DYNC2I1: variants seen among roughly 807,000 people sequenced by gnomAD.
DYNC2I1 encodes the protein cytoplasmic dynein 2 intermediate chain 1.
A neutral mutation model predicts 133.4 loss-of-function variants in DYNC2I1; 89 were observed. The observed-to-expected ratio is 0.67, with a 90% CI of 0.56 to 0.80. DYNC2I1 has a LOEUF of 0.80. Among genes scored for constraint, DYNC2I1 ranks in the 30% least tolerant of loss-of-function variants. The probability of loss-of-function intolerance (pLI) is 0.00; values close to 1 mark genes in which losing one functional copy is unlikely to be tolerated. For synonymous variants in DYNC2I1, 504 were observed against 484.3 expected (o/e 1.04, Z -0.54); for missense variants, 1,291 against 1,314.5 (o/e 0.98, Z 0.28).
At chr7:158,880,023 C>T (rs747512304) in intron 5 of DYNC2I1, 34 bp downstream of exon 5, 86 of 1,544,672 alleles carry the variant, frequency 5.6e-5, no homozygotes, top group Middle Eastern at 1.8e-4. Flanking sequence ...CCTTAGCAGC[C>T]GCCCCGAGGC....
At chr7:158,842,415 T>C in the DYNC2I1 span, among the ~76,000 whole-genome samples, 2 of 152,216 alleles carry the variant, frequency 1.3e-5, no homozygotes, top group African/African-American at 4.8e-5. Flanking sequence ...TCAGCCGACA[T>C]AGTGTGACCT....
At chr7:158,949,669 G>A (rs754990958), downstream of DYNC2I1, among the ~76,000 whole-genome samples, 7 of 152,248 alleles carry the variant, frequency 4.6e-5, no homozygotes, top group Non-Finnish European at 8.8e-5. Context: ...GGAAAGGAGC[G>A]GAAAGCTAGA....
chr7:158,886,988 T>C (rs1314609814), intron 6 of DYNC2I1, 33 bp from the exon 7 acceptor site: 3 of 1,597,362 alleles, frequency 1.9e-6, no homozygotes, highest in Non-Finnish European at 2.6e-6. Flanking sequence ...TCATTTAAAG[T>C]AAGTTTTGAT....
chr7:158,851,552 A>G, the DYNC2I1 span, among the ~76,000 whole-genome samples: 1 of 152,312 alleles, frequency 6.6e-6, no homozygotes, highest in African/African-American at 2.4e-5. Flanking sequence ...TTTTTAGGTA[A>G]AGTTCTAGCA....
the DYNC2I1 span, among the ~76,000 whole-genome samples, chr7:158,851,423 C>G: frequency 6.6e-6 from 1 of 151,604 alleles, no homozygotes; most frequent in South Asian, 2.1e-4. Flanking sequence ...GTAATCCCAG[C>G]AAGAAGGAGA....
In DYNC2I1 at chr7:158,898,988, T is replaced by TG. The variant is rs2129483246; in HGVS notation, c.1060-2750dup. 2.6e-5 allele frequency among the ~76,000 whole-genome samples: 4 copies of TG among 152,276 alleles called. No homozygotes were observed. In the East Asian group the frequency reaches 7.7e-4, roughly 29 times the overall value. On this transcript the variant is annotated intron_variant, in intron 8 of 24. Transcript: ENST00000407559. Reference sequence around the variant, plus strand: ...TATCCTTGCTGTCATTCATTTTACTTGTGTATAAGCAGACATAAGCATGTT... The same window carrying TG: ...TATCCTTGCTGTCATTCATTTTACTTGGTGTATAAGCAGACATAAGCATGTT...
At chr7:158,949,700 C>CA (rs1851995514), downstream of DYNC2I1, among the ~76,000 whole-genome samples, 1 of 151,852 alleles carries the variant, frequency 6.6e-6, no homozygotes, top group Non-Finnish European at 1.5e-5. Flanking sequence ...GGAGGAGCAT[C>CA]AAAGGCCGGG....
upstream of DYNC2I1, among the ~76,000 whole-genome samples, chr7:158,855,860 T>A (rs910459451): frequency 2.0e-5 from 3 of 152,138 alleles, no homozygotes; most frequent in African/African-American, 7.2e-5. Flanking sequence ...CCTACCTTAC[T>A]GCTTGTTTTT....
chr7:158,884,541 G>A (rs755599847), intron 5 of DYNC2I1, 23 bp from the exon 6 acceptor site: 10 of 1,606,022 alleles, frequency 6.2e-6, no homozygotes, highest in African/African-American at 5.4e-5. Context: ...AAATGGTTAT[G>A]GGATTATATT....
intron 16 of DYNC2I1, among the ~76,000 whole-genome samples, chr7:158,923,340 G>C (rs1849277494): frequency 6.6e-6 from 1 of 152,152 alleles, no homozygotes; most frequent in Admixed American, 6.5e-5. Flanking sequence ...CCTTGCGTTT[G>C]TGATCATAAC....
intron 1 of DYNC2I1, among the ~76,000 whole-genome samples, chr7:158,862,208 TTA>T (rs1440281721): frequency 6.6e-6 from 1 of 152,122 alleles, no homozygotes; most frequent in Non-Finnish European, 1.5e-5. Context: ...GCAAAATTAA[TTA>T]TAGAGACTAT....
At chr7:158,849,307 T>C in the DYNC2I1 span, among the ~76,000 whole-genome samples, 1 of 152,214 alleles carries the variant, frequency 6.6e-6, no homozygotes, top group East Asian at 1.9e-4. Context: ...TGAAAATAGA[T>C]ATTGTATCTG....
intron 1 of DYNC2I1, among the ~76,000 whole-genome samples, chr7:158,864,310 A>G (rs1842208509): frequency 6.6e-6 from 1 of 152,100 alleles, no homozygotes; most frequent in East Asian, 1.9e-4. Flanking sequence ...CACTGGGTCC[A>G]TGTAGATGAA....
At chr7:158,847,719 C>CA in the DYNC2I1 span, among the ~76,000 whole-genome samples, 2 of 152,310 alleles carry the variant, frequency 1.3e-5, no homozygotes, top group Middle Eastern at 6.8e-3. Flanking sequence ...AACACTGGGC[C>CA]ATGCTCCAAT....
chr7:158,950,163 A>G (rs1171824656), downstream of DYNC2I1, among the ~76,000 whole-genome samples: 2 of 152,188 alleles, frequency 1.3e-5, no homozygotes, highest in Non-Finnish European at 2.9e-5. Context: ...TCCCAGGTTC[A>G]AGTGATTCTC....
At chr7:158,851,209 C>G in the DYNC2I1 span, among the ~76,000 whole-genome samples, 42,007 of 151,936 alleles carry the variant, frequency 0.28, 8,790 homozygotes, top group East Asian at 0.69. Flanking sequence ...ATTGGAGACA[C>G]TGGTTATTTT....
At chr7:158,957,201 T>C (rs914104856), downstream of DYNC2I1, among the ~76,000 whole-genome samples, 5 of 152,216 alleles carry the variant, frequency 3.3e-5, no homozygotes, top group Non-Finnish European at 5.9e-5. Context: ...TGCATGTTCT[T>C]CTTCTTTTCC....
chr7:158,956,901 G>A (rs1852212791), downstream of DYNC2I1, among the ~76,000 whole-genome samples: 1 of 152,178 alleles, frequency 6.6e-6, no homozygotes, highest in Non-Finnish European at 1.5e-5. Flanking sequence ...TCTGTGGTTC[G>A]AGCAAGCGTG....
chr7:158,846,989 G>T, the DYNC2I1 span, among the ~76,000 whole-genome samples: 1,447 of 152,258 alleles, frequency 9.5e-3, 29 homozygotes, highest in African/African-American at 0.033. Context: ...CAAACTATGT[G>T]AAAGAGTTCT....
Sources: gnomAD v4.1 joint callset for allele counts (sites outside exome capture counted in the v4.1 genomes callset) on GRCh38, gnomAD v4.1.1 for gene constraint, MANE v1.5 for transcripts, NCBI Gene and HGNC (gene_info 2026-07-23, HGNC 2026-07-21) for gene names.